GABBR2: variants seen among roughly 807,000 people sequenced by gnomAD.
The protein encoded by GABBR2 is gamma-aminobutyric acid type B receptor subunit 2, also known as G-protein coupled receptor 51.
GABBR2 carries 23 observed loss-of-function variants against 105.6 expected under a neutral mutation model. The ratio of observed to expected loss-of-function variants is 0.22; its 90% CI spans 0.16 to 0.31. The LOEUF (loss-of-function observed/expected upper bound fraction) is 0.31, where lower values mean the gene tolerates loss of function less well. Among genes scored for constraint, GABBR2 ranks in the 10% least tolerant of loss-of-function variants. The pLI is 1.00. For missense variants in GABBR2, 734 were observed against 1,245.5 expected, an observed-to-expected ratio of 0.59 and a Z score of 6.18; for synonymous variants, 478 against 499.7, an observed-to-expected ratio of 0.96 and a Z score of 0.58.
rs554036409 is a variant in GABBR2, at chr9:98,560,608, T to G, written c.459+17327A>C. On this transcript the variant is annotated intron_variant, in intron 2 of 18. Coordinates refer to ENST00000259455, the MANE Select transcript of GABBR2 (RefSeq NM_005458.8). The stretch of plus-strand genomic sequence containing the variant: ...ATAGTACGAGGAACATTGTATAGCA[T>G]TCCTATAAATCCAAAAATATTTAAA... Among the ~76,000 whole-genome samples the G allele has an allele frequency of 2.0e-5, 3 of 152,076 alleles. No homozygotes were observed. The South Asian group carries it at 6.2e-4, about 32-fold the overall frequency.
chr9:98,556,887 A>G (rs1427784346), intron 2 of GABBR2, among the ~76,000 whole-genome samples: 1 of 152,126 alleles, frequency 6.6e-6, no homozygotes, highest in Non-Finnish European at 1.5e-5. Flanking sequence ...TCTATGGAAA[A>G]AAATAAAATT....
intron 8 of GABBR2, among the ~76,000 whole-genome samples, chr9:98,404,823 T>C (rs566467654): frequency 4.5e-4 from 69 of 152,168 alleles, no homozygotes; most frequent in Non-Finnish European, 8.5e-4. Context: ...ATAAATGTTC[T>C]GTAAAAAGTG....
At chr9:98,508,479 G>A (rs546629358) in intron 3 of GABBR2, among the ~76,000 whole-genome samples, 1 of 152,348 alleles carries the variant, frequency 6.6e-6, no homozygotes, top group South Asian at 2.1e-4. Flanking sequence ...GCCTCACCAG[G>A]GAAGCGCAAG....
At chr9:98,640,121 C>CATATATAT (rs6151094) in intron 1 of GABBR2, among the ~76,000 whole-genome samples, 5,793 of 140,702 alleles carry the variant, frequency 0.041, 126 homozygotes, top group Non-Finnish European at 0.053. Flanking sequence ...AAAATACAAC[C>CATATATAT]ATATATATAT....
chr9:98,633,731 G>A (rs535451944), intron 1 of GABBR2, among the ~76,000 whole-genome samples: 11 of 152,200 alleles, frequency 7.2e-5, no homozygotes, highest in African/African-American at 2.4e-4. Context: ...CCAACTGCAG[G>A]AGCCAGGGCG....
Position 98,524,241 on chromosome 9 carries a change from T to C in GABBR2, c.630+17632A>G, listed in dbSNP as rs188262975. Among the ~76,000 whole-genome samples the C allele has an allele frequency of 3.3e-5, 5 of 152,360 alleles. No homozygotes were observed. In the East Asian group the frequency reaches 9.6e-4, roughly 29 times the overall value. ...TTTTATTTTCAAAGAGCAGTTAATT[T>C]GTATCTATAAACTGTATAGGGCACC... is the stretch of plus-strand genomic sequence containing the variant. On this transcript the variant is annotated intron_variant, in intron 3 of 18. Transcript: ENST00000259455.
At chr9:98,403,186 C>T (rs576731191) in intron 8 of GABBR2, among the ~76,000 whole-genome samples, 12 of 146,222 alleles carry the variant, frequency 8.2e-5, no homozygotes, top group Middle Eastern at 3.6e-3. Context: ...CCCAGCTACT[C>T]GGGAGGCTGA....
chr9:98,468,256 C>A (rs78013547), intron 6 of GABBR2, among the ~76,000 whole-genome samples: 1,669 of 152,284 alleles, frequency 0.011, 31 homozygotes, highest in African/African-American at 0.038. Flanking sequence ...CTGGGGACAG[C>A]TGGATGCTAG....
At chr9:98,489,644 C>T (rs957757790) in intron 4 of GABBR2, among the ~76,000 whole-genome samples, 8 of 152,074 alleles carry the variant, frequency 5.3e-5, no homozygotes, top group Non-Finnish European at 1.0e-4. Context: ...TCTCAAGTTT[C>T]GAACGTAATA....
chr9:98,577,444 A>C (rs1202161105), intron 2 of GABBR2, among the ~76,000 whole-genome samples: 1 of 152,242 alleles, frequency 6.6e-6, no homozygotes, highest in Admixed American at 6.5e-5. Flanking sequence ...ACCGAGGACA[A>C]AGGCAGTCGT....
chr9:98,493,995 C>T (rs1049395950), intron 4 of GABBR2, among the ~76,000 whole-genome samples: 1 of 152,140 alleles, frequency 6.6e-6, no homozygotes, highest in South Asian at 2.1e-4. Flanking sequence ...CAAGGTCATA[C>T]TAGAATAGGG....
At chr9:98,542,104 T>C (rs1256216682) in intron 2 of GABBR2, 61 bp from the exon 3 acceptor site, 1 of 1,403,286 alleles carries the variant, frequency 7.1e-7, no homozygotes, top group African/African-American at 1.4e-5. Context: ...TGACCCAGCA[T>C]CTTTCCTACT....
rs7024796 is a variant in GABBR2, at chr9:98,386,091, C to T, written c.1530-319G>A. 0.049 allele frequency among the ~76,000 whole-genome samples: 7,528 copies of T among 152,204 alleles called. 649 individuals carry two copies. The highest frequency in any genetic ancestry group is 0.17 in the African/African-American group (7,084 of 41,464). On this transcript the variant is annotated intron_variant, in intron 10 of 18. Transcript: ENST00000259455. ...AAAGACCTCAGACAACTATATATTT[C>T]TAATTGTTGATTTCCCTGCCTCCTT...
At chr9:98,316,255 G>T (rs1467527734) in intron 13 of GABBR2, among the ~76,000 whole-genome samples, 1 of 151,982 alleles carries the variant, frequency 6.6e-6, no homozygotes, top group African/African-American at 2.4e-5. Flanking sequence ...GGGTTCAAGC[G>T]ATTCTCCTGC....
rs867286206 is a variant in GABBR2, at chr9:98,636,910, G to A, written c.322-58838C>T. Among the ~76,000 whole-genome samples, 6 of 152,148 alleles carry A rather than the reference G, an allele frequency of 3.9e-5. No homozygotes were observed. In the South Asian group the frequency reaches 8.3e-4, roughly 21 times the overall value. ...TCACTCCGAATTGCCCATAAATGCA[G>A]AGTCCCGGGCCCTCCTTGGAAGACT... On this transcript the variant is annotated intron_variant, in intron 1 of 18. Coordinates refer to ENST00000259455, the MANE Select transcript of GABBR2 (RefSeq NM_005458.8).
At chr9:98,628,654 G>A (rs1829778098) in intron 1 of GABBR2, among the ~76,000 whole-genome samples, 1 of 152,008 alleles carries the variant, frequency 6.6e-6, no homozygotes, top group South Asian at 2.1e-4. Flanking sequence ...TTGTCTGTGT[G>A]ATCCAAACCA....
intron 8 of GABBR2, among the ~76,000 whole-genome samples, chr9:98,395,151 G>T (rs1832264038): frequency 6.6e-6 from 1 of 152,212 alleles, no homozygotes; most frequent in Non-Finnish European, 1.5e-5. Flanking sequence ...ATGGGGATCA[G>T]ATTTAAGCAA....
At chr9:98,680,992 T>C (rs1186310666) in intron 1 of GABBR2, among the ~76,000 whole-genome samples, 1 of 152,178 alleles carries the variant, frequency 6.6e-6, no homozygotes, top group Non-Finnish European at 1.5e-5. Flanking sequence ...TTACTGTTGG[T>C]GGGACTGTAA....
chr9:98,701,686 GACAA>G (rs1351260627), intron 1 of GABBR2, among the ~76,000 whole-genome samples: 1 of 152,088 alleles, frequency 6.6e-6, no homozygotes, highest in Non-Finnish European at 1.5e-5. Flanking sequence ...GGGAGAAAGT[GACAA>G]ACAACTATGA....
Sources: gnomAD v4.1 joint callset for allele counts (sites outside exome capture counted in the v4.1 genomes callset) on GRCh38, gnomAD v4.1.1 for gene constraint, MANE v1.5 for transcripts, NCBI Gene and HGNC (gene_info 2026-07-23, HGNC 2026-07-21) for gene names.